HS6ST3: variants seen among roughly 807,000 people sequenced by gnomAD.
The protein encoded by HS6ST3 is heparan-sulfate 6-O-sulfotransferase 3.
HS6ST3 carries 12 observed loss-of-function variants against 36.7 expected under a neutral mutation model. That is an observed-to-expected ratio of 0.33 (90% CI 0.21 to 0.53). The LOEUF (loss-of-function observed/expected upper bound fraction) is 0.53. Among genes scored for constraint, HS6ST3 ranks in the 20% least tolerant of loss-of-function variants. The pLI is 0.95. For synonymous variants in HS6ST3, 240 were observed against 257.5 expected (o/e 0.93, Z 0.65); for missense variants, 584 against 640.9 (o/e 0.91, Z 0.96).
chr13:96,597,665 G>C (rs2056406723), intron 1 of HS6ST3, among the ~76,000 whole-genome samples: 2 of 151,570 alleles, frequency 1.3e-5, no homozygotes, highest in Admixed American at 1.3e-4. Context: ...TATTTCTTTT[G>C]CTGTGTTTTT....
At chr13:96,621,281 T>C (rs116508704) in intron 1 of HS6ST3, among the ~76,000 whole-genome samples, 1,833 of 152,326 alleles carry the variant, frequency 0.012, 33 homozygotes, top group African/African-American at 0.042. Flanking sequence ...GGAGGGACCT[T>C]GTGGGAAGTG....
intron 1 of HS6ST3, among the ~76,000 whole-genome samples, chr13:96,486,250 G>A (rs1594791161): frequency 6.6e-6 from 1 of 151,896 alleles, no homozygotes; most frequent in Non-Finnish European, 1.5e-5. Context: ...ACATTTTCTT[G>A]ATGCAGTCTA....
intron 1 of HS6ST3, among the ~76,000 whole-genome samples, chr13:96,153,315 A>C (rs2054095937): frequency 6.6e-6 from 1 of 152,214 alleles, no homozygotes; most frequent in Admixed American, 6.5e-5. Context: ...GCACGAGCTC[A>C]ATCAATAGGA....
At chr13:96,685,475 A>G (rs1197457566) in intron 1 of HS6ST3, among the ~76,000 whole-genome samples, 1 of 152,076 alleles carries the variant, frequency 6.6e-6, no homozygotes, top group Non-Finnish European at 1.5e-5. Context: ...AGCCATTTAT[A>G]TGGTGGGTTT....
intron 1 of HS6ST3, among the ~76,000 whole-genome samples, chr13:96,831,578 G>T (rs1878782231): frequency 6.6e-6 from 1 of 152,042 alleles, no homozygotes; most frequent in African/African-American, 2.4e-5. Flanking sequence ...CACATTGTAG[G>T]CACCCAGTAA....
At chr13:96,245,556 T>C (rs914193637) in intron 1 of HS6ST3, among the ~76,000 whole-genome samples, 1 of 152,164 alleles carries the variant, frequency 6.6e-6, no homozygotes, top group Non-Finnish European at 1.5e-5. Context: ...TTCTAGACCC[T>C]ATTGGTTGCT....
At chr13:96,504,097 AT>A (rs1216926877) in intron 1 of HS6ST3, among the ~76,000 whole-genome samples, 3 of 152,164 alleles carry the variant, frequency 2.0e-5, no homozygotes, top group African/African-American at 7.2e-5. Flanking sequence ...TCACAGTGGA[AT>A]TTAGGGGTAC....
At chr13:96,292,385 A>G (rs1225652337) in intron 1 of HS6ST3, among the ~76,000 whole-genome samples, 1 of 151,974 alleles carries the variant, frequency 6.6e-6, no homozygotes, top group African/African-American at 2.4e-5. Flanking sequence ...TATTTCTTTG[A>G]GCCGTGGAGT....
At chr13:96,430,062 G>T (rs1314722106) in intron 1 of HS6ST3, among the ~76,000 whole-genome samples, 2 of 152,184 alleles carry the variant, frequency 1.3e-5, no homozygotes, top group Admixed American at 1.3e-4. Context: ...TGTACTTGCT[G>T]TGTGTTCATC....
At chr13:96,617,946 G>A (rs895711471) in intron 1 of HS6ST3, among the ~76,000 whole-genome samples, 1 of 152,154 alleles carries the variant, frequency 6.6e-6, no homozygotes, top group African/African-American at 2.4e-5. Context: ...CCCATCTTAG[G>A]AAAGTCCAGG....
chr13:96,652,381 C>T (rs1252526273), intron 1 of HS6ST3, among the ~76,000 whole-genome samples: 3 of 151,400 alleles, frequency 2.0e-5, no homozygotes, highest in Non-Finnish European at 4.4e-5. Context: ...CATTTCTTTC[C>T]TCCCTCCCTT....
chr13:96,795,806 A>G (rs749986658), intron 1 of HS6ST3, among the ~76,000 whole-genome samples: 7 of 152,138 alleles, frequency 4.6e-5, no homozygotes, highest in Non-Finnish European at 7.4e-5. Context: ...AGCAACAAGC[A>G]TCTGTCTGAA....
chr13:96,769,115 A>G (rs1214468807), intron 1 of HS6ST3, among the ~76,000 whole-genome samples: 1 of 151,824 alleles, frequency 6.6e-6, no homozygotes, highest in Non-Finnish European at 1.5e-5. Context: ...CACGTGCCCC[A>G]CCTCCCCACC....
At chr13:96,222,803 A>G (rs2054462319) in intron 1 of HS6ST3, among the ~76,000 whole-genome samples, 1 of 152,202 alleles carries the variant, frequency 6.6e-6, no homozygotes, top group Admixed American at 6.5e-5. Context: ...CCACTTGAAT[A>G]TTAATTTCTC....
intron 1 of HS6ST3, among the ~76,000 whole-genome samples, chr13:96,611,421 A>G (rs1215943619): frequency 6.6e-6 from 1 of 152,212 alleles, no homozygotes; most frequent in African/African-American, 2.4e-5. Context: ...ATTTTATTTC[A>G]ACAAATGTAT....
intron 1 of HS6ST3, among the ~76,000 whole-genome samples, chr13:96,197,845 C>A (rs908812638): frequency 6.6e-6 from 1 of 152,176 alleles, no homozygotes; most frequent in African/African-American, 2.4e-5. Context: ...GGTGGATCTA[C>A]CATTCTGGGG....
At chr13:96,277,275 G>A (rs146183732) in intron 1 of HS6ST3, among the ~76,000 whole-genome samples, 1 of 152,232 alleles carries the variant, frequency 6.6e-6, no homozygotes, top group East Asian at 1.9e-4. Flanking sequence ...TACCTGTGAC[G>A]TTATGGTTGA....
In HS6ST3 at chr13:96,115,657, C is replaced by T. The variant is rs186140870; in HGVS notation, c.707+24088C>T. On this transcript the variant is annotated intron_variant, in intron 1 of 1. Transcript: ENST00000376705. ...TTTATCCAGTCTATCATTGGGCATT[C>T]GGGTTGGTTCCATGACTTTGCTATT... 1.1e-3 allele frequency among the ~76,000 whole-genome samples: 174 copies of T among 152,170 alleles called. 2 individuals carry two copies. The highest frequency in any genetic ancestry group is 3.7e-3 in the African/African-American group (155 of 41,506).
intron 1 of HS6ST3, among the ~76,000 whole-genome samples, chr13:96,704,390 C>A (rs1875366273): frequency 1.3e-5 from 2 of 152,110 alleles, no homozygotes; most frequent in South Asian, 4.1e-4. Flanking sequence ...GCCATAAACA[C>A]CCTTGTCAAG....
Sources: gnomAD v4.1 joint callset for allele counts (sites outside exome capture counted in the v4.1 genomes callset) on GRCh38, gnomAD v4.1.1 for gene constraint, MANE v1.5 for transcripts, NCBI Gene and HGNC (gene_info 2026-07-23, HGNC 2026-07-21) for gene names.